Variants in SLC36A1 observed in about 807,000 individuals in gnomAD.
SLC36A1 encodes the protein proton-coupled amino acid transporter 1.
SLC36A1 carries 30 observed loss-of-function variants against 47.5 expected under a neutral mutation model. The observed-to-expected ratio is 0.63, with a 90% CI of 0.47 to 0.86. SLC36A1 has a LOEUF of 0.86. SLC36A1 is among the 40% of genes least tolerant of loss of function. The probability of loss-of-function intolerance (pLI) is 0.00; values close to 1 mark genes in which losing one functional copy is unlikely to be tolerated. For synonymous variants in SLC36A1, 255 were observed against 249.7 expected (o/e 1.02, Z -0.20); for missense variants, 517 against 606.0 (o/e 0.85, Z 1.54).
chr5:151,394,335 G>A, the SLC36A1 span, among the ~76,000 whole-genome samples: 1 of 152,132 alleles, frequency 6.6e-6, no homozygotes, highest in South Asian at 2.1e-4. Flanking sequence ...TAGCTTCTTT[G>A]TGATGGGTTT....
At chr5:151,351,256 C>T in the SLC36A1 span, among the ~76,000 whole-genome samples, 11 of 152,024 alleles carry the variant, frequency 7.2e-5, no homozygotes, top group Non-Finnish European at 1.0e-4. Context: ...AGTGAGTGAA[C>T]AGGGATACAG....
the SLC36A1 span, among the ~76,000 whole-genome samples, chr5:151,389,312 C>A: frequency 6.6e-6 from 1 of 152,124 alleles, no homozygotes; most frequent in Non-Finnish European, 1.5e-5. Flanking sequence ...CCTTTGTAAT[C>A]TGTGATATTT....
the SLC36A1 span, among the ~76,000 whole-genome samples, chr5:151,360,037 T>C: frequency 6.6e-6 from 1 of 152,238 alleles, no homozygotes; most frequent in Non-Finnish European, 1.5e-5. Flanking sequence ...ATTTGCCTTG[T>C]ATAAATACCT....
At chr5:151,544,824 T>G in the SLC36A1 span, 1 of 1,614,224 alleles carries the variant, frequency 6.2e-7, no homozygotes, top group Non-Finnish European at 8.5e-7. Context: ...CAGCCCCATT[T>G]GTCCCCAAGT....
At chr5:151,545,462 T>G in the SLC36A1 span, 2 of 1,614,222 alleles carry the variant, frequency 1.2e-6, no homozygotes, top group African/African-American at 2.7e-5. Context: ...AGAAGCTCCA[T>G]GCCTGGATGG....
At chr5:151,345,528 C>T in the SLC36A1 span, among the ~76,000 whole-genome samples, 1 of 152,074 alleles carries the variant, frequency 6.6e-6, no homozygotes, top group East Asian at 1.9e-4. Context: ...ATAGATTCAT[C>T]AAGGGTTAAA....
At chr5:151,543,105 C>T in the SLC36A1 span, 2 of 1,614,142 alleles carry the variant, frequency 1.2e-6, no homozygotes, top group Non-Finnish European at 1.7e-6. Context: ...GTACTGGCAC[C>T]AGAGAGTTCC....
At chr5:151,552,030 A>G in the SLC36A1 span, among the ~76,000 whole-genome samples, 1 of 151,296 alleles carries the variant, frequency 6.6e-6, no homozygotes, top group South Asian at 2.1e-4. Flanking sequence ...AAAAATGACA[A>G]AAAGGAAACA....
the SLC36A1 span, chr5:151,543,920 C>A: frequency 1.2e-6 from 2 of 1,614,136 alleles, no homozygotes; most frequent in Non-Finnish European, 8.5e-7. Context: ...GGGTCAATAG[C>A]CTGGACTTTA....
At chr5:151,421,164 C>T in the SLC36A1 span, among the ~76,000 whole-genome samples, 5 of 149,590 alleles carry the variant, frequency 3.3e-5, no homozygotes, top group Non-Finnish European at 7.4e-5. Flanking sequence ...TGAGCCACCA[C>T]GCCCTTTCTC....
chr5:151,510,078 C>T, the SLC36A1 span: 2 of 1,614,174 alleles, frequency 1.2e-6, no homozygotes, highest in Non-Finnish European at 1.7e-6. Context: ...GGAGAGGATG[C>T]AAGTTCCACC....
chr5:151,423,800 G>T, the SLC36A1 span, among the ~76,000 whole-genome samples: 3 of 152,188 alleles, frequency 2.0e-5, no homozygotes, highest in Non-Finnish European at 4.4e-5. Context: ...GGGTGATAAT[G>T]CTGTGTCAAG....
chr5:151,370,219 G>A, the SLC36A1 span, among the ~76,000 whole-genome samples: 5 of 152,298 alleles, frequency 3.3e-5, no homozygotes, highest in South Asian at 1.0e-3. Flanking sequence ...TTATATCTGA[G>A]GCAGACAGCT....
the SLC36A1 span, among the ~76,000 whole-genome samples, chr5:151,374,765 C>G: frequency 2.9e-4 from 44 of 152,084 alleles, 1 homozygote; most frequent in Non-Finnish European, 1.2e-4. Context: ...TTAATAATAG[C>G]CATTCTGACT....
At chr5:151,479,092 C>T (rs1319490296) in intron 9 of SLC36A1, among the ~76,000 whole-genome samples, 5 of 152,154 alleles carry the variant, frequency 3.3e-5, no homozygotes, top group African/African-American at 1.2e-4. Context: ...TCAGTCTTTC[C>T]TTCTTAAATA....
intron 8 of SLC36A1, among the ~76,000 whole-genome samples, chr5:151,474,782 A>G (rs1323908577): frequency 2.0e-5 from 3 of 152,222 alleles, no homozygotes; most frequent in South Asian, 2.1e-4. Context: ...TGTATTTTTC[A>G]TAATAATGGT....
intron 4 of SLC36A1, 151 bp downstream of exon 4, chr5:151,464,753 GT>G: frequency 1.4e-6 from 1 of 715,806 alleles, no homozygotes; most frequent in Non-Finnish European, 2.4e-6. Flanking sequence ...CCTTTCCCTG[GT>G]TATTTTTGCG....
intron 1 of SLC36A1, among the ~76,000 whole-genome samples, chr5:151,451,219 A>G (rs1359182181): frequency 6.6e-6 from 1 of 151,622 alleles, no homozygotes; most frequent in Non-Finnish European, 1.5e-5. Context: ...ATTTTATTTT[A>G]TTATTATTAT....
the SLC36A1 span, chr5:151,517,479 A>G: frequency 9.6e-7 from 1 of 1,039,768 alleles, no homozygotes; most frequent in Non-Finnish European, 1.4e-6. Context: ...CATGTGGCCC[A>G]ACAGTCACAC....
Sources: allele counts gnomAD v4.1 joint callset (sites outside exome capture counted in the v4.1 genomes callset), GRCh38; gene constraint gnomAD v4.1.1; transcripts MANE v1.5; gene names NCBI Gene and HGNC (gene_info 2026-07-23, HGNC 2026-07-21).